Variants in SLURP2 observed in about 807,000 individuals in gnomAD.
SLURP2 encodes the protein secreted Ly-6/uPAR domain-containing protein 2.
Under a neutral mutation model 9.8 loss-of-function variants are expected in SLURP2, and 4 were observed. The ratio of observed to expected loss-of-function variants is 0.41; its 90% CI spans 0.20 to 0.94. SLURP2 has a LOEUF of 0.94. Among genes scored for constraint, SLURP2 ranks in the 40% least tolerant of loss-of-function variants. SLURP2 has a pLI of 0.32. For synonymous variants in SLURP2, 58 were observed against 56.2 expected, an observed-to-expected ratio of 1.03 and a Z score of -0.15; for missense variants, 118 against 126.4, an observed-to-expected ratio of 0.93 and a Z score of 0.32.
chr8:142,764,621 A>G lies in SLURP2; in HGVS notation c.278T>C (p.Leu93Pro). 1 of 1,605,948 alleles carries G rather than the reference A, an allele frequency of 6.2e-7. No individual in the cohort carries two copies. Among genetic ancestry groups the G allele is most frequent in the Non-Finnish European group, 8.5e-7 (1 of 1,177,452 alleles). The change falls in exon 3 of 3, where the codon CTC (leucine) becomes CCC (proline). Residue 93 changes from leucine to proline, a missense_variant. Leu to Pro is a moderately conservative substitution (Grantham distance 98, BLOSUM62 -3). Coordinates refer to ENST00000317543, the MANE Select transcript of SLURP2 (RefSeq NM_177458.3). The stretch of plus-strand genomic sequence containing the variant: ...GGGCAGCCGTCAGTCATGGTTGCAG[A>G]GGCTGGTCTGGCAGCAAGCGATGGA... ...YVSIACCQTS[L>P]CNHD
Position 142,765,038 on chromosome 8 carries a change from G to T in SLURP2, c.155C>A (p.Thr52Asn). The change falls in exon 2 of 3, where the codon ACC becomes AAC. Residue 52 changes from threonine to asparagine, a missense_variant and splice_region_variant. Thr to Asn is a moderately conservative substitution (Grantham distance 65, BLOSUM62 0). Transcript: ENST00000317543. Reference sequence around the variant, plus strand: ...AGCCCACCACTGTTCCCACTTACGGGTGGCAGTGGTGACACAGTGGGTGGA... The same window carrying T: ...AGCCCACCACTGTTCCCACTTACGGTTGGCAGTGGTGACACAGTGGGTGGA... ...RDSTHCVTTA[T>N]RVLSNTEDLP... is the part of the protein sequence containing the mutation. 4 of 1,609,646 alleles carry T rather than the reference G, an allele frequency of 2.5e-6. No homozygotes were observed. The highest frequency in any genetic ancestry group is 3.4e-6 in the Non-Finnish European group (4 of 1,177,762).
Position 142,764,592 on chromosome 8 carries a change from A to G in SLURP2, c.*13T>C. The G allele has an allele frequency of 6.3e-7, 1 of 1,599,958 alleles. No homozygotes were observed. Among genetic ancestry groups the G allele is most frequent in the Non-Finnish European group, 8.5e-7 (1 of 1,175,074 alleles). ...GGGGGCTGAGCGTCCGGGGGCCTGGAGGAGGGCAGCCGTCAGTCATGGTTG... is the reference window on the plus strand; with the variant it reads ...GGGGGCTGAGCGTCCGGGGGCCTGGGGGAGGGCAGCCGTCAGTCATGGTTG... On this transcript the variant is annotated 3_prime_UTR_variant, in exon 3 of 3. Coordinates refer to ENST00000317543, the MANE Select transcript of SLURP2 (RefSeq NM_177458.3).
chr8:142,764,741 C>A lies in SLURP2; in HGVS notation c.158G>T (p.Arg53Leu). Residue 53 changes from arginine to leucine, a missense_variant and splice_region_variant, in exon 3 of 3, where the codon CGG (arginine) becomes CTG (leucine). Physicochemically the swap from Arg to Leu is moderately radical, Grantham distance 102 (BLOSUM62 -2). Coordinates refer to ENST00000317543, the MANE Select transcript of SLURP2 (RefSeq NM_177458.3). ...DSTHCVTTAT[R>L]VLSNTEDLPL... ...CAAATCCTCGGTGTTGCTGAGGACC[C>A]CTGAGTGGGCAGGAGAGAAACCATG... 6.2e-7 allele frequency: 1 copy of A among 1,613,082 alleles called. No homozygotes were observed. Among genetic ancestry groups the A allele is most frequent in the Non-Finnish European group, 8.5e-7 (1 of 1,179,692 alleles).
intron 1 of SLURP2, among the ~76,000 whole-genome samples, chr8:142,765,409 CA>C (rs1814970761): frequency 6.6e-6 from 1 of 151,498 alleles, no homozygotes; most frequent in South Asian, 2.1e-4. Context: ...CCCTGGCTCG[CA>C]GTGTGATGTC....
At chr8:142,767,557 C>T (rs1281883094) in intron 1 of SLURP2, among the ~76,000 whole-genome samples, 2 of 152,220 alleles carry the variant, frequency 1.3e-5, no homozygotes, top group Non-Finnish European at 2.9e-5. Flanking sequence ...CTGTCCACTA[C>T]ACATGCCCAC....
rs746663262 is a variant in SLURP2, at chr8:142,765,698, C to T, written c.53-558G>A. Among the ~76,000 whole-genome samples, 3 of 152,260 alleles carry T rather than the reference C, an allele frequency of 2.0e-5. No homozygotes were observed. The South Asian group carries it at 6.2e-4, about 32-fold the overall frequency. On this transcript the variant is annotated intron_variant, in intron 1 of 2. Coordinates refer to ENST00000317543, the MANE Select transcript of SLURP2 (RefSeq NM_177458.3). ...TGTGTAGGCCGGGCGCGGTGGCTCA[C>T]GCCTGTAATCCCAGCACTTTGGGAG...
Position 142,764,571 on chromosome 8 carries a change from GC to G in SLURP2, c.*33del. On this transcript the variant is annotated 3_prime_UTR_variant, in exon 3 of 3. Transcript: ENST00000317543. ...GCGCCAGGCTGTGGGGGCTGTGGGG[GC>G]TGAGCGTCCGGGGGCCTGGAGGAGG... 6.3e-7 allele frequency: 1 copy of G among 1,594,864 alleles called. No individual in the cohort carries two copies. The highest frequency in any genetic ancestry group is 8.5e-7 in the Non-Finnish European group (1 of 1,172,942).
intron 1 of SLURP2, 42 bp downstream of exon 1, chr8:142,769,713 T>C: frequency 6.4e-7 from 1 of 1,569,166 alleles, no homozygotes; most frequent in African/African-American, 1.3e-5. Flanking sequence ...GCTAGAGTGA[T>C]GGGGGCCTTG....
At chr8:142,765,167 C>T (rs369611171) in intron 1 of SLURP2, 27 bp from the exon 2 acceptor site, 217 of 1,582,994 alleles carry the variant, frequency 1.4e-4, no homozygotes, top group Middle Eastern at 1.0e-3. Flanking sequence ...AGACAGGACA[C>T]AAACGGATGG....
At chr8:142,769,641 G>A (rs999822651) in intron 1 of SLURP2, 114 bp downstream of exon 1, 8 of 891,662 alleles carry the variant, frequency 9.0e-6, no homozygotes, top group Non-Finnish European at 1.2e-5. Context: ...ATGGTGGGGG[G>A]ACAGGAATGG....
chr8:142,769,206 A>G (rs1185428042), intron 1 of SLURP2, among the ~76,000 whole-genome samples: 4 of 126,862 alleles, frequency 3.2e-5, no homozygotes, highest in African/African-American at 1.2e-4. Context: ...AGACGTGGGC[A>G]CTGCGGGGGT....
At chr8:142,769,670 G>C (rs948671128) in intron 1 of SLURP2, 85 bp downstream of exon 1, 1 of 1,299,314 alleles carries the variant, frequency 7.7e-7, no homozygotes, top group Non-Finnish European at 1.1e-6. Flanking sequence ...GAGGTGGGCA[G>C]TCACAGCCCA....
rs761129449 is a variant in SLURP2 at position 142,764,593 on chromosome 8, G to A, written c.*12C>T. On this transcript the variant is annotated 3_prime_UTR_variant, in exon 3 of 3. Transcript: ENST00000317543. ...GGGGCTGAGCGTCCGGGGGCCTGGAGGAGGGCAGCCGTCAGTCATGGTTGC... is the reference window on the plus strand; with the variant it reads ...GGGGCTGAGCGTCCGGGGGCCTGGAAGAGGGCAGCCGTCAGTCATGGTTGC... The A allele has an allele frequency of 6.2e-6, 10 of 1,600,730 alleles. No homozygotes were observed. In the Admixed American group the frequency reaches 1.8e-4, roughly 29 times the overall value.
intron 1 of SLURP2, among the ~76,000 whole-genome samples, chr8:142,765,490 G>A (rs1202085681): frequency 6.6e-6 from 1 of 152,102 alleles, no homozygotes; most frequent in Non-Finnish European, 1.5e-5. Context: ...AGGAGGTGGA[G>A]GGGCTCTGAG....
chr8:142,765,100 G>A lies in SLURP2; in HGVS notation c.93C>T (p.Phe31=), dbSNP rs199939337. The A allele has an allele frequency of 7.6e-5, 123 of 1,612,598 alleles. No homozygotes were observed. The African/African-American group carries it at 1.4e-3, about 18-fold the overall frequency. Residue 31 remains phenylalanine (F), a synonymous_variant, in exon 2 of 3, where the codon TTC becomes TTT. Coordinates refer to ENST00000317543, the MANE Select transcript of SLURP2 (RefSeq NM_177458.3). ...ATCTGGATCCATGGGAGCACCCTCCGAAGCCCGTGCACTGGTGACACCATA... is the reference window on the plus strand; with the variant it reads ...ATCTGGATCCATGGGAGCACCCTCCAAAGCCCGTGCACTGGTGACACCATA... ...EAIWCHQCTG[F]GGCSHGSRCL...
rs1454732308 is a variant in SLURP2, at chr8:142,768,304, T to C, written c.52+1451A>G. ...TGGGCTCTGGGTGTAGCTGCATGGCTGGGGGCAGGTCTCTCCCACTGGGGA... is the reference window on the plus strand; with the variant it reads ...TGGGCTCTGGGTGTAGCTGCATGGCCGGGGGCAGGTCTCTCCCACTGGGGA... On this transcript the variant is annotated intron_variant, in intron 1 of 2. Transcript: ENST00000317543. This position sits in a 1 kb window ranked among gnomAD's most constrained non-coding sequence, Gnocchi z 4.8. 1.3e-5 allele frequency among the ~76,000 whole-genome samples: 2 copies of C among 150,598 alleles called. No individual in the cohort carries two copies. The highest frequency in any genetic ancestry group is 3.0e-5 in the Non-Finnish European group (2 of 67,624).
intron 1 of SLURP2, among the ~76,000 whole-genome samples, chr8:142,767,111 C>G (rs759166664): frequency 6.6e-6 from 1 of 152,274 alleles, no homozygotes; most frequent in Non-Finnish European, 1.5e-5. Context: ...TCAGTGCACA[C>G]CAGGCCCCTG....
rs1005573517 is a variant in SLURP2, at chr8:142,767,126, G to A, written c.53-1986C>T. ...TCAGTGCACACCAGGCCCCTGCCAC[G>A]GGCCAGAGTCCTCTGGTCACCCCTG... is the stretch of plus-strand genomic sequence containing the variant. On this transcript the variant is annotated intron_variant, in intron 1 of 2. Coordinates refer to ENST00000317543, the MANE Select transcript of SLURP2 (RefSeq NM_177458.3). Among the ~76,000 whole-genome samples, 7 of 152,214 alleles carry A rather than the reference G, an allele frequency of 4.6e-5. No individual in the cohort carries two copies. In the South Asian group the frequency reaches 8.3e-4, roughly 18 times the overall value.
At position 142,764,548 on chromosome 8, in the gene SLURP2, G is replaced by A. The variant is rs750867699; in HGVS notation, c.*57C>T. On this transcript the variant is annotated 3_prime_UTR_variant, in exon 3 of 3. Coordinates refer to ENST00000317543, the MANE Select transcript of SLURP2 (RefSeq NM_177458.3). The stretch of plus-strand genomic sequence containing the variant: ...GGGAGGGGCAGCTGTGAGCCCTGGC[G>A]CCAGGCTGTGGGGGCTGTGGGGGCT... 18 of 1,574,760 alleles carry A rather than the reference G, an allele frequency of 1.1e-5. No homozygotes were observed. The highest frequency in any genetic ancestry group is 5.7e-5 in the South Asian group (5 of 88,146).
Sources: allele counts gnomAD v4.1 joint callset (sites outside exome capture counted in the v4.1 genomes callset), GRCh38; gene constraint gnomAD v4.1.1; non-coding constraint Gnocchi (gnomAD v3.1); transcripts MANE v1.5; gene names NCBI Gene and HGNC (gene_info 2026-07-23, HGNC 2026-07-21).